Variants in DACH2 observed in about 807,000 individuals in gnomAD.
DACH2 encodes the protein dachshund homolog 2.
In DACH2, 17 loss-of-function variants were observed where a neutral mutation model predicts 35.8. The ratio of observed to expected loss-of-function variants is 0.48; its 90% CI spans 0.33 to 0.71. The LOEUF is 0.71. DACH2 is among the 30% of genes least tolerant of loss of function. DACH2 has a pLI of 0.02. For missense variants in DACH2, 469 were observed against 472.7 expected (o/e 0.99, Z 0.07); for synonymous variants, 195 against 177.3 (o/e 1.10, Z -0.79).
chrX:86,180,341 C>A (rs2031449698), intron 1 of DACH2, among the ~76,000 whole-genome samples: 1 of 105,695 alleles, frequency 9.5e-6, no homozygotes, highest in African/African-American at 3.4e-5. Context: ...AGTCAGCAAT[C>A]ATAATGTTCA....
intron 1 of DACH2, among the ~76,000 whole-genome samples, chrX:86,290,939 G>A (rs141422211): frequency 0.011 from 1,241 of 109,964 alleles, 13 homozygotes; most frequent in African/African-American, 0.039. Flanking sequence ...CTTTAAAGTA[G>A]TTTATTTCCA....
chrX:86,698,514 G>GTTTTTTTTTTTTTTTTTTTTTT (rs1345238527), intron 5 of DACH2, among the ~76,000 whole-genome samples: 4 of 34,343 alleles, frequency 1.2e-4, no homozygotes, highest in Non-Finnish European at 1.5e-4. Context: ...TGTTTTGTTA[G>GTTTTTTTTTTTTTTTTTTTTTT]TTTTGTGTTT....
intron 1 of DACH2, among the ~76,000 whole-genome samples, chrX:86,326,736 G>A (rs2035122909): frequency 1.8e-5 from 2 of 110,495 alleles, no homozygotes; most frequent in Admixed American, 1.9e-4. Flanking sequence ...TCATCCTTAT[G>A]TCCATGTGTA....
chrX:86,722,548 G>A, intron 6 of DACH2, among the ~76,000 whole-genome samples: 1 of 108,949 alleles, frequency 9.2e-6, no homozygotes, highest in Admixed American at 9.9e-5. Flanking sequence ...TTTTTGTAGA[G>A]GTAGTTGTCT....
At chrX:86,744,903 T>C (rs1792542505) in intron 7 of DACH2, among the ~76,000 whole-genome samples, 2 of 111,425 alleles carry the variant, frequency 1.8e-5, no homozygotes, top group African/African-American at 6.5e-5. Context: ...ATTACGGCTA[T>C]TCACTCTACT....
At chrX:86,273,388 T>A (rs2033850012) in intron 1 of DACH2, among the ~76,000 whole-genome samples, 1 of 111,613 alleles carries the variant, frequency 9.0e-6, no homozygotes, top group African/African-American at 3.3e-5. Flanking sequence ...GACTTGCTGG[T>A]TGTTAATTAT....
intron 7 of DACH2, among the ~76,000 whole-genome samples, chrX:86,780,254 CA>C (rs1169180601): frequency 9.1e-6 from 1 of 109,516 alleles, no homozygotes; most frequent in Non-Finnish European, 1.9e-5. Flanking sequence ...AAAGAAACAG[CA>C]CCAGAATTCT....
intron 1 of DACH2, among the ~76,000 whole-genome samples, chrX:86,303,029 C>A (rs749535565): frequency 9.6e-5 from 10 of 103,990 alleles, no homozygotes; most frequent in Non-Finnish European, 1.8e-4. Flanking sequence ...AACTGAAGCA[C>A]AGAGCAGGTA....
chrX:86,577,616 C>T (rs1374364735), intron 3 of DACH2, among the ~76,000 whole-genome samples: 1 of 111,805 alleles, frequency 8.9e-6, no homozygotes, highest in Non-Finnish European at 1.9e-5. Context: ...TCCTCAGAAT[C>T]TCCAAAGTGA....
intron 7 of DACH2, among the ~76,000 whole-genome samples, chrX:86,762,518 C>G (rs1353980494): frequency 9.0e-6 from 1 of 111,429 alleles, no homozygotes; most frequent in African/African-American, 3.3e-5. Context: ...CATCCAGCTC[C>G]TAGATAATTG....
intron 1 of DACH2, among the ~76,000 whole-genome samples, chrX:86,243,025 G>T (rs1032992516): frequency 9.0e-6 from 1 of 111,617 alleles, no homozygotes; most frequent in African/African-American, 3.3e-5. Context: ...TTATTACAGT[G>T]TGAGAATGGA....
chrX:86,730,275 C>A (rs1489374682), intron 6 of DACH2, among the ~76,000 whole-genome samples: 2 of 111,873 alleles, frequency 1.8e-5, no homozygotes, highest in African/African-American at 6.5e-5. Flanking sequence ...TTATTTCTAG[C>A]ATTTAGCATT....
intron 3 of DACH2, among the ~76,000 whole-genome samples, chrX:86,610,561 T>C (rs1477951211): frequency 9.2e-6 from 1 of 108,719 alleles, no homozygotes; most frequent in Non-Finnish European, 1.9e-5. Context: ...CTCAGCCTCC[T>C]GAGTAGCTGG....
In DACH2 at chrX:86,664,598, G is replaced by A. The variant is rs953188677; in HGVS notation, c.772+13431G>A. ...GAGGGGAAAAACTCATTGGTTTAAT[G>A]GAATGCTGTCAAGGCAAATCAACAT... On this transcript the variant is annotated intron_variant, in intron 4 of 11. Coordinates refer to ENST00000373125, the MANE Select transcript of DACH2 (RefSeq NM_053281.3). Among the ~76,000 whole-genome samples the A allele has an allele frequency of 4.5e-5, 5 of 112,246 alleles. No homozygotes were observed. The Admixed American group carries it at 4.7e-4, about 11-fold the overall frequency.
At chrX:86,415,649 G>C (rs931106239) in intron 2 of DACH2, among the ~76,000 whole-genome samples, 2 of 111,035 alleles carry the variant, frequency 1.8e-5, no homozygotes, top group African/African-American at 6.6e-5. Context: ...GAATGATATG[G>C]AAATACTTTA....
rs1359469380 is a variant in DACH2, at chrX:86,297,559, AG to A, written c.489-79264del. On this transcript the variant is annotated intron_variant, in intron 1 of 11. Transcript: ENST00000373125. The stretch of plus-strand genomic sequence containing the variant: ...ACAAAAAGATAATTTATTGGAAAGC[AG>A]TCAGATTGTATAAGGCTGTTAAATT... Among the ~76,000 whole-genome samples, 21 of 112,000 alleles carry A rather than the reference AG, an allele frequency of 1.9e-4. No individual in the cohort carries two copies. In the Admixed American group the frequency reaches 2.0e-3, roughly 11 times the overall value.
At chrX:86,568,736 G>A (rs2039325118) in intron 3 of DACH2, among the ~76,000 whole-genome samples, 1 of 111,109 alleles carries the variant, frequency 9.0e-6, no homozygotes. Context: ...GCACGAATGG[G>A]GCTGTGTAAA....
chrX:86,635,642 G>A (rs756513282), intron 3 of DACH2, among the ~76,000 whole-genome samples: 1 of 111,485 alleles, frequency 9.0e-6, no homozygotes, highest in South Asian at 3.8e-4. Flanking sequence ...CATAGTCTTG[G>A]CCCAAAAGCT....
At chrX:86,473,705 T>G (rs1160931256) in intron 2 of DACH2, among the ~76,000 whole-genome samples, 1 of 111,725 alleles carries the variant, frequency 9.0e-6, no homozygotes, top group Non-Finnish European at 1.9e-5. Flanking sequence ...CAAATCTCAT[T>G]CTTTTTTATG....
Sources: allele counts gnomAD v4.1 joint callset (sites outside exome capture counted in the v4.1 genomes callset), GRCh38; gene constraint gnomAD v4.1.1; transcripts MANE v1.5; gene names NCBI Gene and HGNC (gene_info 2026-07-23, HGNC 2026-07-21).